The following CDK1 variants were observed in gnomAD, a reference collection of about 807,000 sequenced individuals.
The protein encoded by CDK1 is cyclin dependent kinase 1.
Under a neutral mutation model 34.6 loss-of-function variants are expected in CDK1, and 5 were observed. That is an observed-to-expected ratio of 0.14 (90% CI 0.08 to 0.30). The LOEUF (loss-of-function observed/expected upper bound fraction) is 0.30, where lower values mean the gene tolerates loss of function less well. Among genes scored for constraint, CDK1 ranks in the 10% least tolerant of loss-of-function variants. The pLI is 1.00. For synonymous variants in CDK1, 108 were observed against 114.7 expected (o/e 0.94, Z 0.37); for missense variants, 157 against 345.7 (o/e 0.45, Z 4.33).
At chr10:60,778,464 G>A (rs1343792013), upstream of CDK1, 1 of 152,278 alleles carries the variant, frequency 6.6e-6, no homozygotes, top group Non-Finnish European at 1.5e-5. Flanking sequence ...AGCGCGGTGA[G>A]TTTGAAACTG....
intron 2 of CDK1, among the ~76,000 whole-genome samples, chr10:60,781,828 T>G (rs2080275885): frequency 6.6e-6 from 1 of 152,132 alleles, no homozygotes; most frequent in Non-Finnish European, 1.5e-5. Context: ...AGGGCTGGGG[T>G]TTTTGTCTTG....
intron 2 of CDK1, among the ~76,000 whole-genome samples, chr10:60,782,595 G>C (rs1331959404): frequency 6.6e-6 from 1 of 152,064 alleles, no homozygotes; most frequent in Non-Finnish European, 1.5e-5. Flanking sequence ...TTCTGCTTAA[G>C]GGCCTCCATA....
At chr10:60,788,312 TAACTC>T (rs2080332593) in intron 5 of CDK1, 82 bp downstream of exon 5, 8 of 1,037,838 alleles carry the variant, frequency 7.7e-6, no homozygotes, top group Non-Finnish European at 1.1e-5. Flanking sequence ...AGTCAAGAAA[TAACTC>T]AATAAAAGAT....
intron 5 of CDK1, among the ~76,000 whole-genome samples, chr10:60,790,017 A>G (rs1237330845): frequency 1.3e-5 from 2 of 152,150 alleles, no homozygotes; most frequent in Admixed American, 6.5e-5. Context: ...ACTTTTTCAT[A>G]TACTTGCTGG....
intron 1 of CDK1, 140 bp from the exon 2 acceptor site, chr10:60,780,001 G>C (rs1589108811): frequency 1.6e-6 from 1 of 631,686 alleles, no homozygotes; most frequent in East Asian, 2.8e-5. Flanking sequence ...TGTAAATATT[G>C]TTTGAATGTA....
intron 5 of CDK1, among the ~76,000 whole-genome samples, chr10:60,791,332 TATTA>T (rs943014539): frequency 6.6e-6 from 1 of 152,150 alleles, no homozygotes; most frequent in African/African-American, 2.4e-5. Flanking sequence ...GTATAGAAAC[TATTA>T]ATTTTTGTAT....
Position 60,794,155 on chromosome 10 carries a change from T to C in CDK1, c.*180T>C, listed in dbSNP as rs2080381890. On this transcript the variant is annotated 3_prime_UTR_variant, in exon 8 of 8. Coordinates refer to ENST00000395284, the MANE Select transcript of CDK1 (RefSeq NM_001786.5). The stretch of plus-strand genomic sequence containing the variant: ...TATTCTATATGAATTTAAATATAAT[T>C]CTGTAAATGTGTGTAGGTCTCACTG... 1 of 422,654 alleles carries C rather than the reference T, an allele frequency of 2.4e-6. No homozygotes were observed. The highest frequency in any genetic ancestry group is 4.3e-5 in the Admixed American group (1 of 23,468). 26.2% of individuals were successfully genotyped at this position (422,654 alleles called of 1,614,324 possible).
chr10:60,784,853 T>C lies in CDK1; in HGVS notation c.186T>C (p.Asn62=), dbSNP rs911748890. The C allele has an allele frequency of 6.2e-7, 1 of 1,612,268 alleles. No homozygotes were observed. The highest frequency in any genetic ancestry group is 8.5e-7 in the Non-Finnish European group (1 of 1,178,560). ...TATTAAAGGAACTTCGTCATCCAAA[T>C]ATAGTCAGGTATGTTGTAATATCTG... ...ISLLKELRHP[N]IVSLQDVLMQ... Residue 62 remains asparagine (N), a synonymous_variant, in exon 3 of 8, where the codon AAT becomes AAC. Transcript: ENST00000395284.
At chr10:60,790,256 A>G (rs3213067) in intron 5 of CDK1, among the ~76,000 whole-genome samples, 45,240 of 151,810 alleles carry the variant, frequency 0.3, 6,872 homozygotes, top group Middle Eastern at 0.33. Flanking sequence ...TCTATTTGTT[A>G]TTGCTGAGAC....
intron 7 of CDK1, 90 bp downstream of exon 7, chr10:60,792,379 C>CT (rs2080366791): frequency 1.6e-6 from 2 of 1,214,646 alleles, no homozygotes; most frequent in Non-Finnish European, 2.3e-6. Flanking sequence ...AGGAAGAACA[C>CT]TAACATTTTT....
chr10:60,784,072 C>T (rs1275300634), intron 2 of CDK1, among the ~76,000 whole-genome samples: 5 of 152,174 alleles, frequency 3.3e-5, no homozygotes, highest in South Asian at 2.1e-4. Flanking sequence ...ATGCCCACTT[C>T]GTTGCAGGGT....
intron 5 of CDK1, among the ~76,000 whole-genome samples, 169 bp from the exon 6 acceptor site, chr10:60,791,721 G>A (rs1455205989): frequency 2.0e-5 from 3 of 152,064 alleles, no homozygotes; most frequent in South Asian, 2.1e-4. Flanking sequence ...ATAGAACTTA[G>A]AAATGAAATA....
upstream of CDK1, chr10:60,778,450 C>G (rs1377896691): frequency 1.3e-5 from 2 of 152,394 alleles, no homozygotes; most frequent in Admixed American, 1.3e-4. Flanking sequence ...ATCCGGGGCC[C>G]TTTAGCGCGG....
chr10:60,787,071 A>C, intron 4 of CDK1: 1 of 984,866 alleles, frequency 1.0e-6, no homozygotes, highest in Non-Finnish European at 1.2e-6. Flanking sequence ...TCTTTTTCCA[A>C]ATGGCTAGCC....
chr10:60,789,586 G>C (rs2928096), intron 5 of CDK1, among the ~76,000 whole-genome samples: 114,284 of 152,084 alleles, frequency 0.75, 43,157 homozygotes, highest in East Asian at 0.84. Flanking sequence ...ATTCCATTGC[G>C]TGCACGTATG....
chr10:60,788,839 G>C (rs1409386971), intron 5 of CDK1, among the ~76,000 whole-genome samples: 1 of 152,114 alleles, frequency 6.6e-6, no homozygotes, highest in Non-Finnish European at 1.5e-5. Flanking sequence ...TTGACCCAAA[G>C]ACTGTCTCCA....
chr10:60,785,888 G>T, intron 4 of CDK1, 101 bp downstream of exon 4: 2 of 1,348,414 alleles, frequency 1.5e-6, no homozygotes, highest in East Asian at 2.6e-5. Flanking sequence ...TGGAAAAAGT[G>T]TTAGAATAAG....
chr10:60,784,169 G>A (rs1254303986), intron 2 of CDK1, among the ~76,000 whole-genome samples: 1 of 152,174 alleles, frequency 6.6e-6, no homozygotes, highest in Non-Finnish European at 1.5e-5. Flanking sequence ...TAATTTAGAT[G>A]TATAGAAAAC....
At chr10:60,782,564 A>C (rs1016704993) in intron 2 of CDK1, among the ~76,000 whole-genome samples, 2 of 152,116 alleles carry the variant, frequency 1.3e-5, no homozygotes, top group African/African-American at 4.8e-5. Context: ...GCATTTGATA[A>C]ATACTTGCTT....
Sources: gnomAD v4.1 joint callset for allele counts (sites outside exome capture counted in the v4.1 genomes callset) on GRCh38, gnomAD v4.1.1 for gene constraint, MANE v1.5 for transcripts, NCBI Gene and HGNC (gene_info 2026-07-23, HGNC 2026-07-21) for gene names.